SNX29: variants seen among roughly 807,000 people sequenced by gnomAD.
SNX29 encodes sorting nexin-29.
SNX29 carries 78 observed loss-of-function variants against 102.1 expected under a neutral mutation model. The ratio of observed to expected loss-of-function variants is 0.76; its 90% CI spans 0.64 to 0.92. The LOEUF (loss-of-function observed/expected upper bound fraction) is 0.92, where lower values mean the gene tolerates loss of function less well. SNX29 is among the 40% of genes least tolerant of loss of function. The pLI, the probability that SNX29 is intolerant of heterozygous loss-of-function variation, is 0.00. For synonymous variants in SNX29, 580 were observed against 414.5 expected, an observed-to-expected ratio of 1.40 and a Z score of -4.85; for missense variants, 1,280 against 1,061.7, an observed-to-expected ratio of 1.21 and a Z score of -2.86.
At chr16:12,390,652 G>T (rs1362277585) in intron 16 of SNX29, among the ~76,000 whole-genome samples, 1 of 152,184 alleles carries the variant, frequency 6.6e-6, no homozygotes, top group Non-Finnish European at 1.5e-5. Flanking sequence ...AAACCACCAT[G>T]CCCTCAGCGG....
At chr16:12,464,295 A>G (rs181263810) in intron 18 of SNX29, among the ~76,000 whole-genome samples, 22 of 152,106 alleles carry the variant, frequency 1.4e-4, no homozygotes, top group Admixed American at 1.4e-3. Context: ...ATATAAATAT[A>G]TAGACACACC....
At position 12,390,463 on chromosome 16, in the gene SNX29, C is replaced by A. The variant is rs569892215; in HGVS notation, c.1900-7983C>A. Among the ~76,000 whole-genome samples the A allele has an allele frequency of 3.9e-5, 6 of 152,262 alleles. No homozygotes were observed. In the East Asian group the frequency reaches 1.2e-3, roughly 29 times the overall value. On this transcript the variant is annotated intron_variant, in intron 16 of 20. Transcript: ENST00000566228. ...TGACTGCTGTGTGGAGACTGTCTCT[C>A]CTGGTGGATTGTATGCTCTGCAAGC...
At chr16:12,124,088 G>C (rs1044973351) in intron 11 of SNX29, among the ~76,000 whole-genome samples, 1 of 152,040 alleles carries the variant, frequency 6.6e-6, no homozygotes, top group Non-Finnish European at 1.5e-5. Flanking sequence ...CCGGGCGCGG[G>C]GGCTCACGCC....
chr16:12,385,182 AAG>A (rs2083301571), intron 16 of SNX29, among the ~76,000 whole-genome samples: 1 of 152,198 alleles, frequency 6.6e-6, no homozygotes, highest in Non-Finnish European at 1.5e-5. Context: ...AAAAAGAAAA[AAG>A]AAAAGTTCTG....
At chr16:11,978,660 G>A (rs956846882) in intron 1 of SNX29, among the ~76,000 whole-genome samples, 2 of 152,148 alleles carry the variant, frequency 1.3e-5, no homozygotes, top group African/African-American at 4.8e-5. Flanking sequence ...TATGACCAAG[G>A]AGTCTTTGCC....
Position 12,389,297 on chromosome 16 carries a change from G to A in SNX29, c.1900-9149G>A, listed in dbSNP as rs60248602. On this transcript the variant is annotated intron_variant, in intron 16 of 20. Transcript: ENST00000566228. ...TGTGTCCCCACCCAAATTTCATCTT[G>A]AATTGTAGCCCCCACCATTCCCACA... 7.6e-3 allele frequency among the ~76,000 whole-genome samples: 1,160 copies of A among 152,236 alleles called. 11 individuals are homozygous for A. Among genetic ancestry groups the A allele is most frequent in the Middle Eastern group, 0.014 (4 of 294 alleles).
intron 15 of SNX29, among the ~76,000 whole-genome samples, chr16:12,326,015 G>T (rs908812125): frequency 1.3e-5 from 2 of 151,766 alleles, no homozygotes; most frequent in Non-Finnish European, 2.9e-5. Context: ...GGCACCAGAG[G>T]GAGACCCTGT....
chr16:12,396,685 CCATGATG>C (rs1461263923), intron 16 of SNX29, among the ~76,000 whole-genome samples: 1 of 152,132 alleles, frequency 6.6e-6, no homozygotes, highest in African/African-American at 2.4e-5. Context: ...CCTTTTCCAT[CCATGATG>C]CGTAACTGTT....
chr16:12,156,582 C>T (rs11646544), intron 13 of SNX29, among the ~76,000 whole-genome samples: 24,434 of 152,172 alleles, frequency 0.16, 2,131 homozygotes, highest in East Asian at 0.27. Flanking sequence ...GGCAGGAGCT[C>T]GCTGGGGCTC....
At chr16:12,089,158 A>G (rs2052379680) in intron 11 of SNX29, among the ~76,000 whole-genome samples, 1 of 149,880 alleles carries the variant, frequency 6.7e-6, no homozygotes, top group South Asian at 2.1e-4. Context: ...GAGAAAGAGA[A>G]AGAAAGAAAG....
intron 1 of SNX29, among the ~76,000 whole-genome samples, chr16:11,991,939 G>T (rs1165940289): frequency 6.6e-6 from 1 of 152,100 alleles, no homozygotes; most frequent in Non-Finnish European, 1.5e-5. Context: ...GAATCCTACT[G>T]TAGTTGTTCC....
intron 18 of SNX29, among the ~76,000 whole-genome samples, chr16:12,412,843 T>A (rs2084460011): frequency 1.3e-5 from 2 of 152,170 alleles, no homozygotes. Flanking sequence ...TCAAAAGAAG[T>A]GTTTTGCACT....
intron 13 of SNX29, among the ~76,000 whole-genome samples, chr16:12,183,486 G>T (rs555247331): frequency 6.6e-6 from 1 of 152,000 alleles, no homozygotes; most frequent in African/African-American, 2.4e-5. Flanking sequence ...GATACATACT[G>T]TGTATAGATA....
At position 12,060,709 on chromosome 16, in the gene SNX29, A is replaced by G. The variant is rs145121605; in HGVS notation, c.1125-819A>G. The G allele has an allele frequency of 2.6e-5, 12 of 452,878 alleles. No homozygotes were observed. The East Asian group carries it at 8.3e-4, about 31-fold the overall frequency. The allele number at this position is 452,878 out of a possible 1,614,324, so 28.1% of individuals were successfully genotyped here. On this transcript the variant is annotated intron_variant, in intron 8 of 20. Coordinates refer to ENST00000566228, the MANE Select transcript of SNX29 (RefSeq NM_032167.5). ...TGGGGGACGGCTATACTGCAAAAAT[A>G]CCTCCAGGTATTTATTAACATTTCT... is the stretch of plus-strand genomic sequence containing the variant.
chr16:12,194,024 G>A (rs969645663), intron 13 of SNX29, among the ~76,000 whole-genome samples: 1 of 152,180 alleles, frequency 6.6e-6, no homozygotes, highest in African/African-American at 2.4e-5. Flanking sequence ...ATATCTATAA[G>A]AAATCCTGCT....
intron 3 of SNX29, among the ~76,000 whole-genome samples, chr16:12,017,240 G>T (rs1260727319): frequency 1.3e-5 from 2 of 152,178 alleles, no homozygotes; most frequent in African/African-American, 4.8e-5. Context: ...CTAGCACTAT[G>T]ATTGCTTTTG....
At chr16:12,289,420 A>C (rs1213647176) in intron 15 of SNX29, among the ~76,000 whole-genome samples, 2 of 152,042 alleles carry the variant, frequency 1.3e-5, no homozygotes, top group Non-Finnish European at 2.9e-5. Context: ...CTAGCCTTCT[A>C]GTGTTTATCC....
chr16:12,536,476 A>G (rs747201003), intron 20 of SNX29, among the ~76,000 whole-genome samples: 10 of 152,176 alleles, frequency 6.6e-5, no homozygotes, highest in South Asian at 2.1e-4. Flanking sequence ...CGTTTACTTT[A>G]TCAGTGATCC....
chr16:12,233,150 CCTT>C (rs1444824579), intron 14 of SNX29, among the ~76,000 whole-genome samples: 1 of 152,180 alleles, frequency 6.6e-6, no homozygotes, highest in Non-Finnish European at 1.5e-5. Context: ...TCCTCCTCCT[CCTT>C]CCTCCCTCCT....
Sources: allele counts gnomAD v4.1 joint callset (sites outside exome capture counted in the v4.1 genomes callset), GRCh38; gene constraint gnomAD v4.1.1; transcripts MANE v1.5; gene names NCBI Gene and HGNC (gene_info 2026-07-23, HGNC 2026-07-21).